The following PLCH2 variants were observed in gnomAD, a reference collection of about 807,000 sequenced individuals.
PLCH2 encodes the protein phospholipase C eta 2, also known as 1-phosphatidylinositol 4,5-bisphosphate phosphodiesterase eta-2.
A neutral mutation model predicts 134.7 loss-of-function variants in PLCH2; 98 were observed. That is an observed-to-expected ratio of 0.73 (90% confidence interval 0.62 to 0.86). The LOEUF (loss-of-function observed/expected upper bound fraction) is 0.86. Among genes scored for constraint, PLCH2 ranks in the 40% least tolerant of loss-of-function variants. The probability of loss-of-function intolerance (pLI) is 0.00; values close to 1 mark genes in which losing one functional copy is unlikely to be tolerated. For synonymous variants in PLCH2, 974 were observed against 827.5 expected, an observed-to-expected ratio of 1.18 and a Z score of -3.04; for missense variants, 1,994 against 1,986.6, an observed-to-expected ratio of 1.00 and a Z score of -0.07.
chr1:2,499,875 G>A lies in PLCH2; in HGVS notation c.2661+155G>A, dbSNP rs1286065950. 6 of 652,836 alleles carry A rather than the reference G, an allele frequency of 9.2e-6. No homozygotes were observed. The African/African-American group carries it at 1.1e-4, about 12-fold the overall frequency. The allele number at this position is 652,836 out of a possible 1,614,324, so 40.4% of individuals were successfully genotyped here. On this transcript the variant is annotated intron_variant, in intron 20 of 21. Transcript: ENST00000378486. The stretch of plus-strand genomic sequence containing the variant: ...GCCTCTGCTCCTCTATCTCAAGAGG[G>A]GCTGCTGTGGGGGCCTGGCTCCTGA...
At chr1:2,418,115 G>A in the PLCH2 span, among the ~76,000 whole-genome samples, 1 of 152,232 alleles carries the variant, frequency 6.6e-6, no homozygotes, top group Non-Finnish European at 1.5e-5. Flanking sequence ...ACGTGTGACC[G>A]GTGCGAGGCA....
intron 2 of PLCH2, among the ~76,000 whole-genome samples, chr1:2,443,031 G>A (rs1453506804): frequency 1.3e-5 from 2 of 152,212 alleles, no homozygotes; most frequent in Non-Finnish European, 2.9e-5. Context: ...TGGGCCTCCA[G>A]GGTCTGGAAC....
intron 21 of PLCH2, 145 bp downstream of exon 21, chr1:2,502,554 T>C (rs1302909441): frequency 2.2e-6 from 2 of 907,538 alleles, no homozygotes; most frequent in Non-Finnish European, 3.5e-6. Flanking sequence ...ACCGGGGGCC[T>C]GCAGAGGGAG....
chr1:2,495,836 G>A lies in PLCH2; in HGVS notation c.1835+266G>A, dbSNP rs191319984. ...GGATGCTGCCGGGCTGTCGGCTCTC[G>A]GTCCTCACCGCCTCCTCTTATGAGG... On this transcript the variant is annotated intron_variant, in intron 13 of 21. Transcript: ENST00000378486. 6.2e-3 allele frequency among the ~76,000 whole-genome samples: 947 copies of A among 152,114 alleles called. 12 individuals are homozygous for A. The highest frequency in any genetic ancestry group is 0.021 in the African/African-American group (891 of 41,506).
chr1:2,427,690 G>A (rs746885640), intron 1 of PLCH2, among the ~76,000 whole-genome samples: 3 of 152,178 alleles, frequency 2.0e-5, no homozygotes, highest in Non-Finnish European at 2.9e-5. Context: ...GGGGGCCTCC[G>A]GTACCTCTGC....
intron 2 of PLCH2, among the ~76,000 whole-genome samples, chr1:2,440,412 G>A: frequency 6.6e-6 from 1 of 152,250 alleles, no homozygotes; most frequent in Admixed American, 6.5e-5. Context: ...GTCTGTCGCT[G>A]GCCTTGCCCG....
chr1:2,424,922 G>A (rs901971132), upstream of PLCH2, among the ~76,000 whole-genome samples: 1 of 152,282 alleles, frequency 6.6e-6, no homozygotes, highest in African/African-American at 2.4e-5. Context: ...GGAGGCGAAG[G>A]TTGCAGTGAG....
chr1:2,420,658 A>G, the PLCH2 span, among the ~76,000 whole-genome samples: 1 of 152,194 alleles, frequency 6.6e-6, no homozygotes, highest in Non-Finnish European at 1.5e-5. Flanking sequence ...GTTTAAGGGC[A>G]GGCTTCAAGC....
chr1:2,502,828 G>A (rs1448056292), intron 21 of PLCH2: 2 of 717,090 alleles, frequency 2.8e-6, no homozygotes, highest in East Asian at 2.7e-5. Flanking sequence ...GCAGGCAACC[G>A]GGGGCCCTGC....
rs1643036733 is a variant in PLCH2 at position 2,498,707 on chromosome 1, G to A, written c.2350-37G>A. ...GAGTTGGGGGCGGGCCGGGCATCGC[G>A]ATGGGCCCTGATGCCACCCCCACTC... On this transcript the variant is annotated intron_variant, in intron 17 of 21. Coordinates refer to ENST00000378486, the MANE Select transcript of PLCH2 (RefSeq NM_014638.4). The surrounding 1 kb of genome is among the most constrained non-coding windows in gnomAD (Gnocchi z 5.4). 7.0e-6 allele frequency: 11 copies of A among 1,573,882 alleles called. No individual in the cohort carries two copies. The highest frequency in any genetic ancestry group is 1.8e-5 in the Admixed American group (1 of 56,034).
At chr1:2,463,638 A>T (rs1640927197), upstream of PLCH2, among the ~76,000 whole-genome samples, 1 of 151,318 alleles carries the variant, frequency 6.6e-6, no homozygotes, top group African/African-American at 2.4e-5. Context: ...CAGCCCGGAG[A>T]CTGGTCAGAG....
Position 2,502,169 on chromosome 1 carries a change from C to A in PLCH2, c.2719C>A (p.Leu907Met), listed in dbSNP as rs946429706. 2 of 1,511,694 alleles carry A rather than the reference C, an allele frequency of 1.3e-6. No individual in the cohort carries two copies. Among genetic ancestry groups the A allele is most frequent in the South Asian group, 1.3e-5 (1 of 79,858 alleles). 93.6% of individuals were successfully genotyped at this position (1,511,694 alleles called of 1,614,324 possible). Residue 907 changes from leucine (L) to methionine (M), a missense_variant, in exon 21 of 22, where the codon CTG becomes ATG. By Grantham distance (15) the Leu-to-Met change is conservative. Transcript: ENST00000378486. ...CCTCCGAGGCCCAAAGCCCGGCTCGCTGGACAGTCATGCTGCTGGGCGGCC... is the reference window on the plus strand; with the variant it reads ...CCTCCGAGGCCCAAAGCCCGGCTCGATGGACAGTCATGCTGCTGGGCGGCC... The part of the protein sequence containing the change: ...LFLRGPKPGS[L>M]DSHAAGRPPA...
At chr1:2,490,434 G>T (rs139326008) in intron 10 of PLCH2, among the ~76,000 whole-genome samples, 4 of 151,900 alleles carry the variant, frequency 2.6e-5, no homozygotes, top group East Asian at 1.9e-4. Flanking sequence ...GGGCCAGGGT[G>T]GGGGGCTGCA....
chr1:2,418,036 TC>T, the PLCH2 span, among the ~76,000 whole-genome samples: 5 of 152,220 alleles, frequency 3.3e-5, no homozygotes, highest in Non-Finnish European at 7.3e-5. Flanking sequence ...CATCCCTGTG[TC>T]CTGCCCCCAA....
intron 2 of PLCH2, among the ~76,000 whole-genome samples, chr1:2,453,476 A>G (rs1196229383): frequency 6.6e-6 from 1 of 152,274 alleles, no homozygotes; most frequent in Non-Finnish European, 1.5e-5. Flanking sequence ...GAAGGGGGCC[A>G]CTGGCCCCGG....
At chr1:2,499,298 C>T in intron 19 of PLCH2, 68 bp downstream of exon 19, 2 of 1,560,166 alleles carry the variant, frequency 1.3e-6, no homozygotes, top group South Asian at 1.1e-5. Flanking sequence ...GGTACTCTTT[C>T]CCCTGTGAGT....
At chr1:2,441,514 C>T (rs1488697600) in intron 2 of PLCH2, among the ~76,000 whole-genome samples, 2 of 152,166 alleles carry the variant, frequency 1.3e-5, no homozygotes, top group African/African-American at 2.4e-5. Context: ...CTGGCACGTC[C>T]ATCCTCCACT....
chr1:2,479,271 G>A (rs549092838), intron 2 of PLCH2: 12 of 167,356 alleles, frequency 7.2e-5, no homozygotes, highest in South Asian at 1.6e-4. Flanking sequence ...GGAGAGAGTC[G>A]CGCTGCGGAG....
chr1:2,442,670 G>T (rs562259563), intron 2 of PLCH2, among the ~76,000 whole-genome samples: 1 of 152,370 alleles, frequency 6.6e-6, no homozygotes, highest in African/African-American at 2.4e-5. Flanking sequence ...GCATGGTGTG[G>T]GTGCACGGGG....
Sources: gnomAD v4.1 joint callset for allele counts (sites outside exome capture counted in the v4.1 genomes callset) on GRCh38, gnomAD v4.1.1 for gene constraint, Gnocchi (gnomAD v3.1) non-coding constraint, MANE v1.5 for transcripts, NCBI Gene and HGNC (gene_info 2026-07-23, HGNC 2026-07-21) for gene names.